PCDHGA7: variants seen among roughly 807,000 people sequenced by gnomAD.
The protein encoded by PCDHGA7 is protocadherin gamma subfamily A, 7.
Under a neutral mutation model 58.3 loss-of-function variants are expected in PCDHGA7, and 44 were observed. That is an observed-to-expected ratio of 0.75 (90% CI 0.59 to 0.97). PCDHGA7 has a LOEUF of 0.97. PCDHGA7 is among the 50% of genes least tolerant of loss of function. PCDHGA7 has a pLI of 0.00. For synonymous variants in PCDHGA7, 516 were observed against 504.2 expected (o/e 1.02, Z -0.31); for missense variants, 1,266 against 1,188.7 (o/e 1.06, Z -0.96).
At position 141,487,116 on chromosome 5, in the gene PCDHGA7, A is replaced by G. The variant is rs749256818; in HGVS notation, c.2425-7691A>G. On this transcript the variant is annotated intron_variant, in intron 1 of 3. Transcript: ENST00000518325. This position sits in a 1 kb window ranked among gnomAD's most constrained non-coding sequence, Gnocchi z 5.0. ...CCACAGAAGCTGGTCATTGTGGTAA[A>G]GGATAGTGGTAGTCCACCACTCTCT... The G allele has an allele frequency of 3.1e-6, 5 of 1,614,022 alleles. No individual in the cohort carries two copies.
chr5:141,389,694 T>C, intron 1 of PCDHGA7: 1 of 1,612,590 alleles, frequency 6.2e-7, no homozygotes, highest in South Asian at 1.1e-5. Flanking sequence ...CTGGCTGTCC[T>C]ACCACGTGCT....
intron 2 of PCDHGA7, among the ~76,000 whole-genome samples, chr5:141,499,868 A>G (rs2099794957): frequency 6.6e-6 from 1 of 152,024 alleles, no homozygotes; most frequent in Non-Finnish European, 1.5e-5. Context: ...TTGTATTTTC[A>G]GTACAAACAG....
In PCDHGA7 at chr5:141,418,608, GC is replaced by G. The variant is rs1422456031; in HGVS notation, c.2424+33287del. On this transcript the variant is annotated intron_variant, in intron 1 of 3. Transcript: ENST00000518325. Reference sequence around the variant, plus strand: ...TTCAGCCAGGACGTGTACAGGGTTAGCCTTCGGGAAGACGTGCCTCCAGGCA... The same window carrying G: ...TTCAGCCAGGACGTGTACAGGGTTAGCTTCGGGAAGACGTGCCTCCAGGCA... 4 of 1,613,922 alleles carry G rather than the reference GC, an allele frequency of 2.5e-6. No individual in the cohort carries two copies. In the African/African-American group the frequency reaches 5.3e-5, roughly 22 times the overall value.
intron 1 of PCDHGA7, chr5:141,478,158 C>G: frequency 6.2e-7 from 1 of 1,614,054 alleles, no homozygotes; most frequent in Non-Finnish European, 8.5e-7. Flanking sequence ...CCCTCTGGCT[C>G]TGCCCCCCGG....
At position 141,430,258 on chromosome 5, in the gene PCDHGA7, A is replaced by G. The variant is rs542653323; in HGVS notation, c.2424+44935A>G. On this transcript the variant is annotated intron_variant, in intron 1 of 3. Coordinates refer to ENST00000518325, the MANE Select transcript of PCDHGA7 (RefSeq NM_018920.4). ...GAGAAACTCCTAGGGAGACATCTCC[A>G]TAATAGGTGTGTTGGGGGAACAGTA... is the stretch of plus-strand genomic sequence containing the variant. Among the ~76,000 whole-genome samples the G allele has an allele frequency of 5.4e-5, 8 of 148,074 alleles. No homozygotes were observed. In the South Asian group the frequency reaches 8.5e-4, roughly 16 times the overall value.
chr5:141,503,960 T>TTC (rs2099834474), intron 2 of PCDHGA7, among the ~76,000 whole-genome samples: 1 of 152,172 alleles, frequency 6.6e-6, no homozygotes, highest in Admixed American at 6.5e-5. Flanking sequence ...CCTACAGCCT[T>TTC]TCCCATGGTG....
intron 1 of PCDHGA7, chr5:141,389,851 C>T (rs375044667): frequency 6.2e-7 from 1 of 1,614,054 alleles, no homozygotes; most frequent in Non-Finnish European, 8.5e-7. Context: ...TCGGCCACTG[C>T]CACGTTGCAC....
At chr5:141,417,656 G>A (rs1561768422) in intron 1 of PCDHGA7, 1 of 854,026 alleles carries the variant, frequency 1.2e-6, no homozygotes, top group Non-Finnish European at 1.7e-6. Context: ...CCTCTAGCCT[G>A]GGATTCCCTG....
chr5:141,459,581 G>A (rs945690319), intron 1 of PCDHGA7, among the ~76,000 whole-genome samples: 1 of 152,138 alleles, frequency 6.6e-6, no homozygotes, highest in Non-Finnish European at 1.5e-5. Flanking sequence ...AATTGTTTTG[G>A]GGGTCATATG....
intron 1 of PCDHGA7, among the ~76,000 whole-genome samples, chr5:141,425,471 T>A (rs2096877403): frequency 6.6e-6 from 1 of 152,218 alleles, no homozygotes; most frequent in African/African-American, 2.4e-5. Flanking sequence ...TGTTATTAAT[T>A]CCTATGGCAA....
intron 1 of PCDHGA7, chr5:141,413,290 A>T: frequency 6.2e-7 from 1 of 1,613,924 alleles, no homozygotes; most frequent in Non-Finnish European, 8.5e-7. Context: ...CTCCTACTCA[A>T]TTCCTGAGGA....
At chr5:141,427,901 G>C (rs2097088177) in intron 1 of PCDHGA7, 6 of 1,572,234 alleles carry the variant, frequency 3.8e-6, no homozygotes, top group East Asian at 2.2e-5. Flanking sequence ...GCTCGCCCGC[G>C]CTCAGCGCCA....
At chr5:141,506,432 C>A (rs2099853359) in intron 3 of PCDHGA7, among the ~76,000 whole-genome samples, 1 of 132,482 alleles carries the variant, frequency 7.5e-6, no homozygotes, top group Non-Finnish European at 1.6e-5. Context: ...GGGCAACAGT[C>A]TCGCTCTGTC....
chr5:141,431,206 G>A lies in PCDHGA7; in HGVS notation c.2424+45883G>A, dbSNP rs17097300. On this transcript the variant is annotated intron_variant, in intron 1 of 3. Coordinates refer to ENST00000518325, the MANE Select transcript of PCDHGA7 (RefSeq NM_018920.4). The surrounding 1 kb of genome is among the most constrained non-coding windows in gnomAD (Gnocchi z 4.8). ...AAATTAGTGAAAATGCAGCCACTGA[G>A]ATGCGGTTCCCTCTACCCCACGCCT... The A allele has an allele frequency of 0.041, 66,767 of 1,614,172 alleles. 3,763 individuals carry two copies. Among genetic ancestry groups the A allele is most frequent in the Admixed American group, 0.27 (16,026 of 60,028 alleles).
intron 1 of PCDHGA7, chr5:141,409,356 A>G: frequency 6.2e-7 from 1 of 1,614,004 alleles, no homozygotes; most frequent in Non-Finnish European, 8.5e-7. Context: ...GTCAGGTGTA[A>G]TATAGAAACA....
At chr5:141,402,946 G>A (rs1012771364) in intron 1 of PCDHGA7, 1 of 1,592,686 alleles carries the variant, frequency 6.3e-7, no homozygotes, top group African/African-American at 1.4e-5. Flanking sequence ...TCCAAAGCGA[G>A]GCAGCAATGG....
At chr5:141,420,256 TAAG>T (rs749213635) in intron 1 of PCDHGA7, 12 of 1,569,010 alleles carry the variant, frequency 7.6e-6, no homozygotes, top group South Asian at 1.2e-5. Context: ...TTGAAGCAGA[TAAG>T]AAGATTCTTA....
Position 141,485,210 on chromosome 5 carries a change from C to T in PCDHGA7, c.2425-9597C>T, listed in dbSNP as rs2099609472. 1.2e-6 allele frequency: 2 copies of T among 1,614,058 alleles called. No individual in the cohort carries two copies. The highest frequency in any genetic ancestry group is 1.3e-5 in the African/African-American group (1 of 75,046). ...GGTGAGAAGCTGGACAGAAATCTGG[C>T]GGTGGGCTACCCTTTTGTTCCTCTT... On this transcript the variant is annotated intron_variant, in intron 1 of 3. Coordinates refer to ENST00000518325, the MANE Select transcript of PCDHGA7 (RefSeq NM_018920.4). The surrounding 1 kb of genome is among the most constrained non-coding windows in gnomAD (Gnocchi z 5.7).
intron 1 of PCDHGA7, among the ~76,000 whole-genome samples, chr5:141,482,832 G>A (rs2099573281): frequency 6.6e-6 from 1 of 152,188 alleles, no homozygotes; most frequent in Non-Finnish European, 1.5e-5. Flanking sequence ...AGCACTTTGG[G>A]AGGCCAAGGT....
Sources: gnomAD v4.1 joint callset for allele counts (sites outside exome capture counted in the v4.1 genomes callset) on GRCh38, gnomAD v4.1.1 for gene constraint, Gnocchi (gnomAD v3.1) non-coding constraint, MANE v1.5 for transcripts, NCBI Gene and HGNC (gene_info 2026-07-23, HGNC 2026-07-21) for gene names.